The following PARD3 variants were observed in gnomAD, a reference collection of about 807,000 sequenced individuals.
The protein encoded by PARD3 is par-3 family cell polarity regulator.
Under a neutral mutation model 155.4 loss-of-function variants are expected in PARD3, and 75 were observed. That is an observed-to-expected ratio of 0.48 (90% CI 0.40 to 0.58). The LOEUF (loss-of-function observed/expected upper bound fraction) is 0.58. Ranked by LOEUF, PARD3 falls within the 20% of genes least tolerant of loss-of-function variation. PARD3 has a pLI of 0.00. For synonymous variants in PARD3, 576 were observed against 610.5 expected (o/e 0.94, Z 0.83); for missense variants, 1,642 against 1,721.7 (o/e 0.95, Z 0.82).
At chr10:34,452,396 TAATGA>T (rs1232663500) in intron 4 of PARD3, among the ~76,000 whole-genome samples, 11 of 152,218 alleles carry the variant, frequency 7.2e-5, no homozygotes, top group Non-Finnish European at 1.6e-4. Context: ...TTTCAACTCC[TAATGA>T]AATAATTCAG....
At chr10:34,478,115 CAG>C (rs1166193043) in intron 3 of PARD3, among the ~76,000 whole-genome samples, 1 of 152,130 alleles carries the variant, frequency 6.6e-6, no homozygotes, top group Admixed American at 6.5e-5. Context: ...ACAAATGACT[CAG>C]AGAGAAGGAT....
chr10:34,814,944 C>G lies in PARD3; in HGVS notation c.52G>C (p.Asp18His). 1 of 1,565,860 alleles carries G rather than the reference C, an allele frequency of 6.4e-7. No homozygotes were observed. The highest frequency in any genetic ancestry group is 1.4e-5 in the African/African-American group (1 of 71,068). ...GRTRVVVPCG[D>H]GHMKVFSLIQ... The stretch of plus-strand genomic sequence containing the variant: ...AGGCTGAAAACTTTCATGTGGCCGT[C>G]CCCGCACGGCACGACCACCCGGGTC... Residue 18 changes from aspartate to histidine, a missense_variant, in exon 1 of 25, where the codon GAC (aspartate) becomes CAC (histidine). By Grantham distance (81) the Asp-to-His change is moderately conservative. Transcript: ENST00000374788.
chr10:34,631,645 C>T (rs1055953635), intron 2 of PARD3, among the ~76,000 whole-genome samples: 11 of 152,160 alleles, frequency 7.2e-5, no homozygotes, highest in African/African-American at 2.4e-4. Context: ...GTTCTGTCAC[C>T]CAGGCTGAAG....
chr10:34,473,635 G>C (rs542394334), intron 3 of PARD3, among the ~76,000 whole-genome samples: 1 of 152,314 alleles, frequency 6.6e-6, no homozygotes, highest in African/African-American at 2.4e-5. Context: ...ACCAAACTGA[G>C]GACTGGCTAA....
intron 16 of PARD3, among the ~76,000 whole-genome samples, chr10:34,338,670 T>C (rs557889006): frequency 2.0e-5 from 3 of 152,220 alleles, no homozygotes; most frequent in Non-Finnish European, 4.4e-5. Flanking sequence ...AGAAATTTAG[T>C]TGCGATTTAC....
intron 3 of PARD3, among the ~76,000 whole-genome samples, chr10:34,472,918 C>G (rs1446178151): frequency 2.0e-5 from 3 of 152,176 alleles, no homozygotes; most frequent in Admixed American, 2.0e-4. Flanking sequence ...AGATTAGACA[C>G]AAACATTGTG....
At chr10:34,464,546 T>C (rs2077883886) in intron 4 of PARD3, among the ~76,000 whole-genome samples, 1 of 152,128 alleles carries the variant, frequency 6.6e-6, no homozygotes, top group Non-Finnish European at 1.5e-5. Context: ...CCAACATAAA[T>C]TGATAAATAA....
chr10:34,759,008 A>G (rs183665098), intron 1 of PARD3, among the ~76,000 whole-genome samples: 1 of 152,334 alleles, frequency 6.6e-6, no homozygotes, highest in Admixed American at 6.5e-5. Context: ...AGGCGGAAGG[A>G]AAAAGCTACA....
chr10:34,374,995 C>T lies in PARD3; in HGVS notation c.1547G>A (p.Gly516Glu), dbSNP rs770431475. The T allele has an allele frequency of 7.4e-6, 12 of 1,612,256 alleles. 1 individual carries two copies. In the South Asian group the frequency reaches 1.2e-4, roughly 16 times the overall value. ...KAGDRLIEVN[G>E]VDLVGKSQEE... ...TTGGGATTTGCCCACTAAATCTACT[C>T]CATTTACCTAAAACAAAACAAAAGT... The change falls in exon 11 of 25, where the codon GGA becomes GAA. Residue 516 changes from glycine to glutamate, a missense_variant. By Grantham distance (98) the Gly-to-Glu change is moderately conservative. Coordinates refer to ENST00000374788, the MANE Select transcript of PARD3 (RefSeq NM_001184785.2).
chr10:34,666,777 T>TCAAAAAAAAAAAA (rs1554804561), intron 2 of PARD3, among the ~76,000 whole-genome samples: 9 of 17,052 alleles, frequency 5.3e-4, no homozygotes, highest in South Asian at 5.6e-3. Context: ...CCCCTCCCCC[T>TCAAAAAAAAAAAA]AAAAAAAAAA....
chr10:34,613,257 T>C (rs1387142529), intron 2 of PARD3, among the ~76,000 whole-genome samples: 1 of 152,172 alleles, frequency 6.6e-6, no homozygotes, highest in Non-Finnish European at 1.5e-5. Flanking sequence ...CCCTCCTGAT[T>C]AACCTGTGTG....
intron 3 of PARD3, among the ~76,000 whole-genome samples, chr10:34,515,421 T>C (rs920870701): frequency 6.6e-6 from 1 of 152,218 alleles, no homozygotes; most frequent in African/African-American, 2.4e-5. Flanking sequence ...CTTGGAAACA[T>C]CTGTCATTGT....
chr10:34,188,316 C>T (rs1043898351), intron 22 of PARD3, among the ~76,000 whole-genome samples: 1 of 152,180 alleles, frequency 6.6e-6, no homozygotes, highest in Non-Finnish European at 1.5e-5. Flanking sequence ...GAATCACTTG[C>T]AATTACTTCT....
At chr10:34,476,636 T>C (rs1478571405) in intron 3 of PARD3, among the ~76,000 whole-genome samples, 4 of 152,024 alleles carry the variant, frequency 2.6e-5, no homozygotes. Context: ...TTCCCTTTAA[T>C]ACCAAAAAGG....
At chr10:34,402,165 C>CA (rs764259179) in intron 5 of PARD3, among the ~76,000 whole-genome samples, 19 of 151,816 alleles carry the variant, frequency 1.3e-4, no homozygotes, top group East Asian at 1.9e-4. Context: ...GGAAAGAAAA[C>CA]AAAAAAACAA....
At chr10:34,395,326 C>T (rs1347705350) in intron 7 of PARD3, among the ~76,000 whole-genome samples, 4 of 151,922 alleles carry the variant, frequency 2.6e-5, no homozygotes, top group Admixed American at 6.6e-5. Flanking sequence ...TGAGCCACTG[C>T]GCCCAGCCGA....
At chr10:34,427,501 A>T (rs1356791847) in intron 5 of PARD3, among the ~76,000 whole-genome samples, 1 of 152,174 alleles carries the variant, frequency 6.6e-6, no homozygotes, top group African/African-American at 2.4e-5. Flanking sequence ...TAAGATGTTT[A>T]TCAATGACAA....
intron 2 of PARD3, among the ~76,000 whole-genome samples, chr10:34,522,770 C>G (rs1408911334): frequency 1.3e-5 from 2 of 152,290 alleles, no homozygotes; most frequent in African/African-American, 4.8e-5. Flanking sequence ...CCCACAGAAA[C>G]ACAAAGTCGT....
intron 2 of PARD3, among the ~76,000 whole-genome samples, chr10:34,591,557 G>A (rs1324188305): frequency 6.6e-6 from 1 of 152,118 alleles, no homozygotes; most frequent in African/African-American, 2.4e-5. Flanking sequence ...TAAAATAGGA[G>A]GATGTGATGG....
Sources: gnomAD v4.1 joint callset for allele counts (sites outside exome capture counted in the v4.1 genomes callset) on GRCh38, gnomAD v4.1.1 for gene constraint, MANE v1.5 for transcripts, NCBI Gene and HGNC (gene_info 2026-07-23, HGNC 2026-07-21) for gene names.